CPNE4: variants seen among roughly 807,000 people sequenced by gnomAD.
CPNE4 encodes copine 4.
A neutral mutation model predicts 67.9 loss-of-function variants in CPNE4; 25 were observed. The observed-to-expected ratio is 0.37, with a 90% CI of 0.27 to 0.51. The LOEUF is 0.51. CPNE4 is among the 20% of genes least tolerant of loss of function. CPNE4 has a pLI of 0.93. For missense variants in CPNE4, 464 were observed against 690.8 expected (o/e 0.67, Z 3.68); for synonymous variants, 242 against 244.9 (o/e 0.99, Z 0.11).
At chr3:131,668,722 G>A (rs184844147) in intron 7 of CPNE4, among the ~76,000 whole-genome samples, 21 of 152,234 alleles carry the variant, frequency 1.4e-4, no homozygotes, top group African/African-American at 3.6e-4. Context: ...AACAAGGAAC[G>A]TCTAGACTTT....
chr3:131,542,424 A>G (rs1157363238), intron 15 of CPNE4, 133 bp downstream of exon 15: 3 of 711,364 alleles, frequency 4.2e-6, no homozygotes, highest in Non-Finnish European at 7.5e-6. Context: ...TCCCACAGCA[A>G]GGGTATGTAG....
chr3:132,034,143 G>A (rs1334798913), intron 1 of CPNE4, among the ~76,000 whole-genome samples: 1 of 152,126 alleles, frequency 6.6e-6, no homozygotes, highest in Non-Finnish European at 1.5e-5. Context: ...GGACTACAAT[G>A]TCCCACAGCT....
At chr3:131,804,654 G>C (rs1000804368) in intron 2 of CPNE4, among the ~76,000 whole-genome samples, 1 of 152,310 alleles carries the variant, frequency 6.6e-6, no homozygotes, top group East Asian at 1.9e-4. Context: ...GGCTGGCCTT[G>C]TAACTTGCTT....
At chr3:131,760,091 G>A (rs2082851034) in intron 2 of CPNE4, among the ~76,000 whole-genome samples, 1 of 152,134 alleles carries the variant, frequency 6.6e-6, no homozygotes, top group Admixed American at 6.6e-5. Context: ...GTTTGTCAGA[G>A]TACAAATAGT....
At chr3:131,978,489 T>C (rs1203390048) in intron 1 of CPNE4, among the ~76,000 whole-genome samples, 8 of 71,330 alleles carry the variant, frequency 1.1e-4, no homozygotes, top group Non-Finnish European at 1.7e-4. Context: ...TATATATTTA[T>C]ATATATTTAT....
chr3:131,792,663 G>GTATATATGTATATATACACACGTGTA (rs1560322058), intron 2 of CPNE4, among the ~76,000 whole-genome samples: 1 of 48,062 alleles, frequency 2.1e-5, no homozygotes, highest in Non-Finnish European at 4.2e-5. Context: ...ATACACACGT[G>GTATATATGTATATATACACACGTGTA]TATATATACA....
intron 2 of CPNE4, among the ~76,000 whole-genome samples, chr3:131,795,223 G>A (rs1275198887): frequency 6.6e-6 from 1 of 152,122 alleles, no homozygotes; most frequent in Non-Finnish European, 1.5e-5. Context: ...TGTAGACACC[G>A]CCTATAGGGC....
chr3:131,571,142 C>T (rs909301299), intron 10 of CPNE4, among the ~76,000 whole-genome samples: 3 of 152,038 alleles, frequency 2.0e-5, no homozygotes, highest in African/African-American at 7.2e-5. Context: ...TCTGACTTCT[C>T]TTTAGCATGC....
intron 11 of CPNE4, among the ~76,000 whole-genome samples, chr3:131,561,661 C>T (rs1033525806): frequency 3.9e-5 from 6 of 152,028 alleles, no homozygotes; most frequent in African/African-American, 1.4e-4. Flanking sequence ...TTCTAAGGCT[C>T]ATGGGGATTA....
At chr3:131,824,724 A>T (rs2085087549) in intron 2 of CPNE4, among the ~76,000 whole-genome samples, 1 of 152,274 alleles carries the variant, frequency 6.6e-6, no homozygotes, top group Non-Finnish European at 1.5e-5. Context: ...TTTTGTATGA[A>T]TCTGAACTAG....
chr3:131,840,200 T>C (rs2085719371), intron 2 of CPNE4, among the ~76,000 whole-genome samples: 1 of 152,226 alleles, frequency 6.6e-6, no homozygotes, highest in Non-Finnish European at 1.5e-5. Context: ...TTTTCTCCTC[T>C]ATAATTTTCT....
At chr3:132,014,094 T>C (rs1028557608) in intron 1 of CPNE4, among the ~76,000 whole-genome samples, 1 of 152,202 alleles carries the variant, frequency 6.6e-6, no homozygotes, top group African/African-American at 2.4e-5. Flanking sequence ...AATGTTACCC[T>C]TTCTTGAGGG....
chr3:131,960,844 A>G (rs1188980396), intron 1 of CPNE4, among the ~76,000 whole-genome samples: 1 of 152,178 alleles, frequency 6.6e-6, no homozygotes, highest in African/African-American at 2.4e-5. Flanking sequence ...ACCCCAGTCC[A>G]GAACTCCTCA....
chr3:131,884,061 C>T (rs1461146), intron 2 of CPNE4, among the ~76,000 whole-genome samples: 43,765 of 151,962 alleles, frequency 0.29, 7,390 homozygotes, highest in Non-Finnish European at 0.37. Context: ...TTTCACTTAC[C>T]ATTGTTTACC....
At chr3:131,633,769 T>A (rs2079299844) in intron 7 of CPNE4, among the ~76,000 whole-genome samples, 1 of 152,002 alleles carries the variant, frequency 6.6e-6, no homozygotes, top group South Asian at 2.1e-4. Flanking sequence ...CTTTTTTATT[T>A]TTAAAAAAAA....
intron 2 of CPNE4, among the ~76,000 whole-genome samples, chr3:131,768,761 T>C (rs1178907704): frequency 6.6e-6 from 1 of 152,100 alleles, no homozygotes; most frequent in Non-Finnish European, 1.5e-5. Context: ...TTCCCTGCCA[T>C]GCAACCAGAT....
chr3:131,548,332 T>G (rs1244066913), intron 14 of CPNE4, among the ~76,000 whole-genome samples: 1 of 152,174 alleles, frequency 6.6e-6, no homozygotes, highest in Non-Finnish European at 1.5e-5. Flanking sequence ...CATTGTTTTG[T>G]GTACTAGGGA....
intron 3 of CPNE4, among the ~76,000 whole-genome samples, chr3:131,707,960 A>G (rs1392692038): frequency 2.6e-5 from 4 of 152,290 alleles, no homozygotes; most frequent in East Asian, 1.9e-4. Context: ...GGTTTATTGT[A>G]TATCTAATGA....
intron 1 of CPNE4, among the ~76,000 whole-genome samples, chr3:131,986,818 G>A (rs868293797): frequency 3.8e-5 from 5 of 132,160 alleles, no homozygotes; most frequent in Non-Finnish European, 6.2e-5. Context: ...GCGACAGAGC[G>A]AGACTCGGTC....
Sources: gnomAD v4.1 joint callset for allele counts (sites outside exome capture counted in the v4.1 genomes callset) on GRCh38, gnomAD v4.1.1 for gene constraint, MANE v1.5 for transcripts, NCBI Gene and HGNC (gene_info 2026-07-23, HGNC 2026-07-21) for gene names.